ZP1: variants seen among roughly 807,000 people sequenced by gnomAD.
The protein encoded by ZP1 is zona pellucida glycoprotein 1.
A neutral mutation model predicts 67.4 loss-of-function variants in ZP1; 58 were observed. The ratio of observed to expected loss-of-function variants is 0.86; its 90% CI spans 0.70 to 1.07. The LOEUF is 1.07. Ranked by LOEUF, ZP1 falls within the 50% of genes least tolerant of loss-of-function variation. ZP1 has a pLI of 0.00. For missense variants in ZP1, 759 were observed against 807.3 expected, an observed-to-expected ratio of 0.94 and a Z score of 0.72; for synonymous variants, 333 against 332.7, an observed-to-expected ratio of 1.00 and a Z score of -0.01.
intron 6 of ZP1, among the ~76,000 whole-genome samples, chr11:60,872,116 G>A (rs1855583302): frequency 6.6e-6 from 1 of 152,234 alleles, no homozygotes; most frequent in African/African-American, 2.4e-5. Context: ...TCACGCCTAT[G>A]ATACCAGCGC....
chr11:60,873,478 C>CA lies in ZP1; in HGVS notation c.1346dup (p.Asn449LysfsTer99). 1 of 1,613,746 alleles carries CA rather than the reference C, an allele frequency of 6.2e-7. No homozygotes were observed. Among genetic ancestry groups the CA allele is most frequent in the Non-Finnish European group, 8.5e-7 (1 of 1,179,856 alleles). The stretch of plus-strand genomic sequence containing the variant: ...TCCGGCTTCTGCAGAGGACAGACCC[C>CA]AACCTGGTCCTGCTGCTGCACCAGT... On this transcript the variant is annotated frameshift_variant, in exon 8 of 12. Coordinates refer to ENST00000278853, the MANE Select transcript of ZP1 (RefSeq NM_207341.4). LOFTEE classifies it high-confidence loss of function.
At chr11:60,869,334 C>G in intron 2 of ZP1, 68 bp downstream of exon 2, 1 of 1,591,278 alleles carries the variant, frequency 6.3e-7, no homozygotes, top group Non-Finnish European at 8.6e-7. Context: ...TGAAGAGGCC[C>G]CTCATGAACC....
In ZP1 at chr11:60,870,434, A is replaced by AT. The variant is rs1855545329; in HGVS notation, c.786dup (p.Asp263Ter). On this transcript the variant is annotated frameshift_variant, in exon 4 of 12. Transcript: ENST00000278853. LOFTEE classifies it high-confidence loss of function. ...GCCTGTCAGCAGGCTGGCTGCTGCT[A>AT]TGACAACACCAGAGAGGTTCCCTGT... The AT allele has an allele frequency of 6.2e-7, 1 of 1,613,436 alleles. No individual in the cohort carries two copies. Among genetic ancestry groups the AT allele is most frequent in the Non-Finnish European group, 8.5e-7 (1 of 1,179,762 alleles).
rs572545566 is a variant in ZP1 at position 60,873,718 on chromosome 11, C to T, written c.1515C>T (p.Phe505=). ...ATPFQSHYQR[F]TVATFALLDS... is the part of the protein sequence containing the mutation. ...CTTTCCAGTCGCACTACCAGCGATT[C>T]ACTGTTGCTACCTTCGCCCTCCTGG... is the stretch of plus-strand genomic sequence containing the variant. The change falls in exon 9 of 12, where the codon TTC becomes TTT. Residue 505 remains phenylalanine, a synonymous_variant. Coordinates refer to ENST00000278853, the MANE Select transcript of ZP1 (RefSeq NM_207341.4). 3 of 1,614,198 alleles carry T rather than the reference C, an allele frequency of 1.9e-6. No individual in the cohort carries two copies. The African/African-American group carries it at 4.0e-5, about 22-fold the overall frequency.
At chr11:60,875,388 C>CAGACACAGTCCACCTCATCTGCAGAA (rs1855683530) in intron 11 of ZP1, 126 bp from the exon 12 acceptor site, 6 of 1,512,252 alleles carry the variant, frequency 4.0e-6, no homozygotes, top group African/African-American at 1.4e-5. Context: ...TAAGTGAAGA[C>CAGACACAGTCCACCTCATCTGCAGAA]AGACACAGTC....
In ZP1 at chr11:60,869,588, C is replaced by A; in HGVS notation, c.370C>A (p.Arg124Ser). The change falls in exon 3 of 12, where the codon CGT (arginine) becomes AGT (serine). Residue 124 changes from arginine (R) to serine (S), a missense_variant. By Grantham distance (110) the Arg-to-Ser change is moderately radical (BLOSUM62 -1). Transcript: ENST00000278853. ...CATGGAGGCTGTGCTGCCCAATGGT[C>A]GTGTGGATGTGGCACAAGACGCTAC... ...VFMEAVLPNG[R>S]VDVAQDATLI... is the part of the protein sequence containing the mutation. 2 of 1,613,682 alleles carry A rather than the reference C, an allele frequency of 1.2e-6. No homozygotes were observed. Among genetic ancestry groups the A allele is most frequent in the South Asian group, 1.1e-5 (1 of 91,040 alleles).
At chr11:60,873,089 G>A in intron 6 of ZP1, 73 bp from the exon 7 acceptor site, 1 of 1,495,678 alleles carries the variant, frequency 6.7e-7, no homozygotes, top group Non-Finnish European at 9.0e-7. Context: ...CGGAGTTGGT[G>A]CCTAGTTTAT....
chr11:60,867,752 T>C lies in ZP1; in HGVS notation c.191T>C (p.Val64Ala). 1 of 1,613,250 alleles carries C rather than the reference T, an allele frequency of 6.2e-7. No individual in the cohort carries two copies. Among genetic ancestry groups the C allele is most frequent in the African/African-American group, 1.3e-5 (1 of 75,030 alleles). The change falls in exon 1 of 12, where the codon GTG becomes GCG. Residue 64 changes from valine (V) to alanine (A), a missense_variant. Transcript: ENST00000278853. ...CCAGGCCAGACTCTCCGCTTCAAGG[T>C]GGTGGGTGAGTGCTGGCAGAGTCCT... is the stretch of plus-strand genomic sequence containing the variant. ...PRPGQTLRFK[V>A]VDEFGNRFDV...
intron 6 of ZP1, among the ~76,000 whole-genome samples, chr11:60,872,216 T>A (rs545593359): frequency 3.9e-5 from 6 of 152,182 alleles, no homozygotes; most frequent in East Asian, 1.9e-4. Context: ...TATTTTAATT[T>A]AAAAAAACCC....
chr11:60,868,950 C>T (rs924534757), intron 1 of ZP1, among the ~76,000 whole-genome samples, 195 bp from the exon 2 acceptor site: 10 of 152,218 alleles, frequency 6.6e-5, no homozygotes, highest in African/African-American at 2.2e-4. Context: ...CTAAGACCCT[C>T]CCATCCCCTT....
intron 11 of ZP1, 120 bp downstream of exon 11, chr11:60,875,368 A>G: frequency 2.0e-6 from 3 of 1,511,682 alleles, no homozygotes; most frequent in Non-Finnish European, 2.7e-6. Context: ...CACTGCAGTC[A>G]GTGGGGAACT....
Position 60,869,588 on chromosome 11 carries a change from C to G in ZP1, c.370C>G (p.Arg124Gly). The change falls in exon 3 of 12, where the codon CGT (arginine) becomes GGT (glycine). Residue 124 changes from arginine (R) to glycine (G), a missense_variant. Coordinates refer to ENST00000278853, the MANE Select transcript of ZP1 (RefSeq NM_207341.4). ...VFMEAVLPNG[R>G]VDVAQDATLI... ...CATGGAGGCTGTGCTGCCCAATGGT[C>G]GTGTGGATGTGGCACAAGACGCTAC... The G allele has an allele frequency of 6.2e-7, 1 of 1,613,682 alleles. No individual in the cohort carries two copies. The highest frequency in any genetic ancestry group is 8.5e-7 in the Non-Finnish European group (1 of 1,179,754).
chr11:60,875,377 C>T, intron 11 of ZP1, 129 bp downstream of exon 11: 1 of 1,509,676 alleles, frequency 6.6e-7, no homozygotes, highest in Non-Finnish European at 8.9e-7. Context: ...CAGTGGGGAA[C>T]TAAGTGAAGA....
intron 4 of ZP1, 22 bp from the exon 5 acceptor site, chr11:60,870,935 C>G: frequency 6.2e-7 from 1 of 1,602,518 alleles, no homozygotes; most frequent in South Asian, 1.1e-5. Context: ...AACCCCAAGG[C>G]CCTCATCTGC....
rs766955061 is a variant in ZP1 at position 60,870,443 on chromosome 11, C to T, written c.794C>T (p.Thr265Ile). 6 of 1,612,700 alleles carry T rather than the reference C, an allele frequency of 3.7e-6. No individual in the cohort carries two copies. The South Asian group carries it at 5.5e-5, about 15-fold the overall frequency. ...CQQAGCCYDN[T>I]REVPCYYGNT... ...CAGGCTGGCTGCTGCTATGACAACA[C>T]CAGAGAGGTTCCCTGTTACTATGGC... The change falls in exon 4 of 12, where the codon ACC (threonine) becomes ATC (isoleucine). Residue 265 changes from threonine to isoleucine, a missense_variant. Transcript: ENST00000278853.
chr11:60,869,308 T>C, intron 2 of ZP1, 42 bp downstream of exon 2: 1 of 1,610,946 alleles, frequency 6.2e-7, no homozygotes, highest in Non-Finnish European at 8.5e-7. Context: ...AAGCTTGTCC[T>C]AGTGTCATGT....
At chr11:60,874,399 T>A (rs972019726) in intron 9 of ZP1, among the ~76,000 whole-genome samples, 6 of 152,210 alleles carry the variant, frequency 3.9e-5, no homozygotes, top group Non-Finnish European at 8.8e-5. Flanking sequence ...TCTGGTCCCG[T>A]AGGGCACTGC....
chr11:60,875,068 C>T (rs1855674830), intron 10 of ZP1, 54 bp downstream of exon 10: 1 of 1,613,518 alleles, frequency 6.2e-7, no homozygotes, highest in Middle Eastern at 1.7e-4. Context: ...CAGGCCTGTG[C>T]CTGGCCTCTG....
rs776727260 is a variant in ZP1 at position 60,867,588 on chromosome 11, G to C, written c.27G>C (p.Trp9Cys). 1 of 1,612,882 alleles carries C rather than the reference G, an allele frequency of 6.2e-7. No individual in the cohort carries two copies. Among genetic ancestry groups the C allele is most frequent in the Admixed American group, 1.7e-5 (1 of 59,938 alleles). Residue 9 changes from tryptophan (W) to cysteine (C), a missense_variant, in exon 1 of 12, where the codon TGG becomes TGC. Coordinates refer to ENST00000278853, the MANE Select transcript of ZP1 (RefSeq NM_207341.4). Reference sequence around the variant, plus strand: ...TGGCAGGAGGCTCAGCCACGACCTGGGGTTACCCTGTGGCCCTGCTACTGC... The same window carrying C: ...TGGCAGGAGGCTCAGCCACGACCTGCGGTTACCCTGTGGCCCTGCTACTGC... MAGGSATT[W>C]GYPVALLLLV... is the part of the protein sequence containing the mutation.
Sources: gnomAD v4.1 joint callset for allele counts (sites outside exome capture counted in the v4.1 genomes callset) on GRCh38, gnomAD v4.1.1 for gene constraint, MANE v1.5 for transcripts, NCBI Gene and HGNC (gene_info 2026-07-23, HGNC 2026-07-21) for gene names.